Variants in MAN1A2 observed in about 807,000 individuals in gnomAD.
MAN1A2 encodes the protein mannosidase alpha class 1A member 2, also known as mannosyl-oligosaccharide 1,2-alpha-mannosidase IB.
Under a neutral mutation model 75.7 loss-of-function variants are expected in MAN1A2, and 26 were observed. The observed-to-expected ratio is 0.34, with a 90% CI of 0.25 to 0.48. The LOEUF is 0.48. MAN1A2 is among the 20% of genes least tolerant of loss of function. The probability of loss-of-function intolerance (pLI) is 0.99; values close to 1 mark genes in which losing one functional copy is unlikely to be tolerated. For missense variants in MAN1A2, 562 were observed against 775.5 expected (o/e 0.72, Z 3.27); for synonymous variants, 247 against 264.6 (o/e 0.93, Z 0.65).
Position 117,402,415 on chromosome 1 carries a change from A to G in MAN1A2, c.532A>G (p.Arg178Gly). ...RGGDPEDNDIREKREKIKEMM... is the reference protein window; with the variant it reads ...RGGDPEDNDIGEKREKIKEMM... ...TGGAGACCCAGAAGATAATGACATA[A>G]GAGAGAAAAGGGAAAAAATTAAAGA... Residue 178 changes from arginine (R) to glycine (G), a missense_variant, in exon 2 of 13, where the codon AGA becomes GGA. Around this residue, in one of 2 missense-constraint regions of MAN1A2, gnomAD observed 434 missense variants for 645.7 expected, o/e 0.67. Transcript: ENST00000356554. The G allele has an allele frequency of 6.3e-7, 1 of 1,598,740 alleles. No homozygotes were observed. The highest frequency in any genetic ancestry group is 8.5e-7 in the Non-Finnish European group (1 of 1,175,988).
intron 1 of MAN1A2, among the ~76,000 whole-genome samples, chr1:117,399,709 A>G (rs1647346295): frequency 6.6e-6 from 1 of 152,222 alleles, no homozygotes; most frequent in Non-Finnish European, 1.5e-5. Flanking sequence ...TCTTGATTGC[A>G]AGATGGCTCT....
At chr1:117,429,819 A>C (rs1160477956) in intron 5 of MAN1A2, among the ~76,000 whole-genome samples, 1 of 63,836 alleles carries the variant, frequency 1.6e-5, no homozygotes, top group Admixed American at 1.4e-4. Flanking sequence ...CGACACCCCC[A>C]CCTCCCTCCC....
chr1:117,454,151 T>C lies in MAN1A2; in HGVS notation c.951-6338T>C, dbSNP rs141868869. Among the ~76,000 whole-genome samples, 109 of 152,350 alleles carry C rather than the reference T, an allele frequency of 7.2e-4. 1 individual carries two copies. The highest frequency in any genetic ancestry group is 2.6e-3 in the African/African-American group (108 of 41,588). On this transcript the variant is annotated intron_variant, in intron 6 of 12. Transcript: ENST00000356554. ...ATATACTGAGATACGAAAAAGTTTG[T>C]GTGACTCATTTTGTTGCAATATTTG...
chr1:117,408,719 ATTTTT>A (rs1647701610), intron 3 of MAN1A2, among the ~76,000 whole-genome samples: 1 of 150,154 alleles, frequency 6.7e-6, no homozygotes, highest in Non-Finnish European at 1.5e-5. Flanking sequence ...GATTGGTTTT[ATTTTT>A]TTCTTTAATG....
At chr1:117,440,268 G>A (rs1332864964) in intron 5 of MAN1A2, among the ~76,000 whole-genome samples, 2 of 152,174 alleles carry the variant, frequency 1.3e-5, no homozygotes, top group Non-Finnish European at 2.9e-5. Context: ...GATTTTATGT[G>A]ACATGACCAG....
chr1:117,373,486 T>G (rs1296273865), intron 1 of MAN1A2, among the ~76,000 whole-genome samples: 1 of 143,520 alleles, frequency 7.0e-6, no homozygotes, highest in Non-Finnish European at 1.5e-5. Context: ...CTGCATTTGT[T>G]TTTTTTTTTT....
chr1:117,411,725 C>T (rs1187869617), intron 3 of MAN1A2, among the ~76,000 whole-genome samples: 3 of 151,636 alleles, frequency 2.0e-5, no homozygotes, highest in Non-Finnish European at 4.4e-5. Flanking sequence ...TATGAATAGC[C>T]AGTAAGCACA....
chr1:117,371,153 T>C (rs1652953109), intron 1 of MAN1A2, among the ~76,000 whole-genome samples: 2 of 152,198 alleles, frequency 1.3e-5, no homozygotes, highest in Admixed American at 1.3e-4. Context: ...TGATTATAAT[T>C]GTAATGGAAT....
chr1:117,389,528 C>G (rs150257727), intron 1 of MAN1A2, among the ~76,000 whole-genome samples: 1 of 152,150 alleles, frequency 6.6e-6, no homozygotes, highest in Non-Finnish European at 1.5e-5. Flanking sequence ...GAGTTCCTAA[C>G]AGGCCCTGGA....
At chr1:117,368,590 G>T in intron 1 of MAN1A2, 105 bp downstream of exon 1, 1 of 1,079,880 alleles carries the variant, frequency 9.3e-7, no homozygotes, top group Non-Finnish European at 1.3e-6. Context: ...GTAATTTTTC[G>T]AGTCATAAAT....
chr1:117,415,733 T>A (rs1398906150), intron 4 of MAN1A2, among the ~76,000 whole-genome samples: 1 of 152,110 alleles, frequency 6.6e-6, no homozygotes, highest in East Asian at 1.9e-4. Context: ...TCCTTGATCA[T>A]CAAGGATCTA....
chr1:117,451,689 TC>T (rs1649423350), intron 6 of MAN1A2, among the ~76,000 whole-genome samples: 1 of 152,210 alleles, frequency 6.6e-6, no homozygotes, highest in African/African-American at 2.4e-5. Context: ...AGCTCTTTTC[TC>T]TTGTCTGCCA....
At chr1:117,378,752 T>C (rs1653238440) in intron 1 of MAN1A2, among the ~76,000 whole-genome samples, 1 of 152,188 alleles carries the variant, frequency 6.6e-6, no homozygotes, top group African/African-American at 2.4e-5. Flanking sequence ...TCCAACCTGC[T>C]GTCAATTTGT....
intron 8 of MAN1A2, among the ~76,000 whole-genome samples, chr1:117,474,470 G>T (rs1650256288): frequency 6.6e-6 from 1 of 150,512 alleles, no homozygotes; most frequent in African/African-American, 2.4e-5. Flanking sequence ...TCCATCTCCA[G>T]CTCTTATTTT....
intron 1 of MAN1A2, among the ~76,000 whole-genome samples, chr1:117,399,055 G>A (rs1465362093): frequency 6.6e-6 from 1 of 152,134 alleles, no homozygotes; most frequent in Non-Finnish European, 1.5e-5. Flanking sequence ...AGAAAAGGAG[G>A]ACTATGACTA....
At chr1:117,394,584 C>T (rs754180888) in intron 1 of MAN1A2, among the ~76,000 whole-genome samples, 1 of 152,162 alleles carries the variant, frequency 6.6e-6, no homozygotes, top group African/African-American at 2.4e-5. Flanking sequence ...CTTTCTTCTT[C>T]TGTTTCTACT....
intron 8 of MAN1A2, 101 bp downstream of exon 8, chr1:117,466,528 T>C: frequency 1.4e-6 from 1 of 690,076 alleles, no homozygotes; most frequent in Non-Finnish European, 2.4e-6. Flanking sequence ...TTAGAAACCC[T>C]CAGTGTCTAA....
At chr1:117,469,448 A>T (rs982362024) in intron 8 of MAN1A2, among the ~76,000 whole-genome samples, 11 of 152,280 alleles carry the variant, frequency 7.2e-5, no homozygotes, top group African/African-American at 2.2e-4. Flanking sequence ...CAATACAAAA[A>T]TAAAAGATAA....
At chr1:117,497,153 T>C (rs1162438510) in intron 10 of MAN1A2, among the ~76,000 whole-genome samples, 171 bp downstream of exon 10, 1 of 152,030 alleles carries the variant, frequency 6.6e-6, no homozygotes, top group Non-Finnish European at 1.5e-5. Context: ...AATGTGTCTC[T>C]GCATTATTTT....
Sources: allele counts gnomAD v4.1 joint callset (sites outside exome capture counted in the v4.1 genomes callset), GRCh38; gene constraint gnomAD v4.1.1; regional missense constraint gnomAD v4.1.1; transcripts MANE v1.5; gene names NCBI Gene and HGNC (gene_info 2026-07-23, HGNC 2026-07-21).